Variants in VPS8 observed in about 807,000 individuals in gnomAD.
The protein encoded by VPS8 is vacuolar protein sorting-associated protein 8 homolog.
Under a neutral mutation model 216.4 loss-of-function variants are expected in VPS8, and 129 were observed. The ratio of observed to expected loss-of-function variants is 0.60; its 90% CI spans 0.52 to 0.69. VPS8 has a LOEUF of 0.69. Ranked by LOEUF, VPS8 falls within the 30% of genes least tolerant of loss-of-function variation. The pLI is 0.00. For synonymous variants in VPS8, 571 were observed against 565.4 expected (o/e 1.01, Z -0.14); for missense variants, 1,531 against 1,683.5 (o/e 0.91, Z 1.59).
In VPS8 at chr3:184,853,924, T is replaced by C; in HGVS notation, c.889T>C (p.Cys297Arg). ...CAGTGGTTCCAAGGGTGAAGTCTGCTGTATTGAGCCTCTGCATTCTAAGCC... is the reference window on the plus strand; with the variant it reads ...CAGTGGTTCCAAGGGTGAAGTCTGCCGTATTGAGCCTCTGCATTCTAAGCC... ...LFSGSKGEVC[C>R]IEPLHSKPEL... The change falls in exon 12 of 48, where the codon TGT (cysteine) becomes CGT (arginine). Residue 297 changes from cysteine (C) to arginine (R), a missense_variant. Cys to Arg is a radical substitution (Grantham distance 180, BLOSUM62 -3). Around this residue, in one of 3 missense-constraint regions of VPS8, gnomAD observed 1,318 missense variants for 1,468.4 expected, o/e 0.90. Transcript: ENST00000625842. 1 of 1,611,828 alleles carries C rather than the reference T, an allele frequency of 6.2e-7. No individual in the cohort carries two copies. The highest frequency in any genetic ancestry group is 8.5e-7 in the Non-Finnish European group (1 of 1,178,914).
chr3:185,002,042 T>C (rs1753489640), intron 45 of VPS8, among the ~76,000 whole-genome samples: 1 of 151,902 alleles, frequency 6.6e-6, no homozygotes, highest in South Asian at 2.1e-4. Flanking sequence ...GCTAGACGAG[T>C]TTAAGTGCAA....
intron 46 of VPS8, among the ~76,000 whole-genome samples, chr3:185,031,901 C>T (rs747827264): frequency 2.0e-5 from 3 of 152,160 alleles, no homozygotes; most frequent in South Asian, 2.1e-4. Context: ...CGATGGCTGA[C>T]GCCTGTAATC....
chr3:184,931,011 T>C (rs1361980634), intron 34 of VPS8, among the ~76,000 whole-genome samples: 1 of 152,192 alleles, frequency 6.6e-6, no homozygotes, highest in East Asian at 1.9e-4. Flanking sequence ...AATTCACTGA[T>C]TTTGTTGATG....
intron 23 of VPS8, among the ~76,000 whole-genome samples, chr3:184,896,215 T>C (rs1303178288): frequency 1.3e-5 from 2 of 152,174 alleles, no homozygotes; most frequent in African/African-American, 4.8e-5. Flanking sequence ...GTCTTCATAG[T>C]CTTACAATAG....
At chr3:185,049,325 C>T (rs977792652) in intron 47 of VPS8, among the ~76,000 whole-genome samples, 1 of 152,184 alleles carries the variant, frequency 6.6e-6, no homozygotes, top group Admixed American at 6.5e-5. Context: ...ATCGCTTTCT[C>T]GACCTGTTCT....
rs980955040 is a variant in VPS8 at position 184,944,425 on chromosome 3, A to G, written c.3035+4182A>G. On this transcript the variant is annotated intron_variant, in intron 36 of 47. Coordinates refer to ENST00000625842, the MANE Select transcript of VPS8 (RefSeq NM_001009921.3). ...CTACGTAAAGCCCGACTCTACCCCCATCCCCTGGGTGCATTGCTGCTGGCC... is the reference window on the plus strand; with the variant it reads ...CTACGTAAAGCCCGACTCTACCCCCGTCCCCTGGGTGCATTGCTGCTGGCC... The G allele has an allele frequency of 3.7e-6, 3 of 821,606 alleles. No individual in the cohort carries two copies. The East Asian group carries it at 3.7e-4, about 102-fold the overall frequency. The allele number at this position is 821,606 out of a possible 1,614,324, so 50.9% of individuals were successfully genotyped here.
chr3:184,839,836 T>C (rs1721790510), intron 7 of VPS8, 84 bp downstream of exon 7: 2 of 1,482,058 alleles, frequency 1.3e-6, no homozygotes, highest in South Asian at 1.4e-5. Flanking sequence ...GTTTATATAG[T>C]GTACTTGATT....
chr3:185,017,126 C>A (rs528440294), intron 45 of VPS8, among the ~76,000 whole-genome samples: 8 of 152,150 alleles, frequency 5.3e-5, no homozygotes, highest in African/African-American at 1.9e-4. Context: ...AATCTCTTCC[C>A]TATAAACTTA....
rs1364052025 is a variant in VPS8, at chr3:184,940,257, C to G, written c.3035+14C>G. The stretch of plus-strand genomic sequence containing the variant: ...TCTTGACCCAAGGTATGTTGACAAA[C>G]TTTAGTCTTTCATTATATATATATA... On this transcript the variant is annotated intron_variant, in intron 36 of 47. Transcript: ENST00000625842. 7.9e-7 allele frequency: 1 copy of G among 1,261,084 alleles called. No individual in the cohort carries two copies. The highest frequency in any genetic ancestry group is 1.9e-5 in the South Asian group (1 of 52,616). The allele number at this position is 1,261,084 out of a possible 1,614,324, so 78.1% of individuals were successfully genotyped here. A position where few individuals can be genotyped will look rare whatever the true frequency, so the allele number is the denominator to read the frequency against.
At chr3:184,857,112 T>C (rs991129505) in intron 14 of VPS8, among the ~76,000 whole-genome samples, 10 of 152,238 alleles carry the variant, frequency 6.6e-5, no homozygotes. Flanking sequence ...TTTACTGTTA[T>C]ATTTCCAGCC....
intron 19 of VPS8, 53 bp downstream of exon 19, chr3:184,869,089 A>T: frequency 1.3e-6 from 2 of 1,518,840 alleles, no homozygotes; most frequent in South Asian, 2.4e-5. Flanking sequence ...GAGTAGAGGG[A>T]ATGGTTAGTA....
intron 44 of VPS8, among the ~76,000 whole-genome samples, chr3:184,998,107 G>A (rs1649539348): frequency 1.3e-5 from 2 of 152,192 alleles, no homozygotes; most frequent in African/African-American, 4.8e-5. Context: ...CAGAGGAGCA[G>A]AGGCCAAATC....
At chr3:184,850,317 T>C (rs1197190044) in intron 10 of VPS8, among the ~76,000 whole-genome samples, 7 of 152,214 alleles carry the variant, frequency 4.6e-5, no homozygotes, top group Non-Finnish European at 5.9e-5. Flanking sequence ...GTTGCTAGAC[T>C]AGAGTTTGGC....
chr3:184,899,934 A>C (rs1279696464), intron 24 of VPS8, among the ~76,000 whole-genome samples: 1 of 152,144 alleles, frequency 6.6e-6, no homozygotes, highest in Non-Finnish European at 1.5e-5. Flanking sequence ...TGAGCTATTG[A>C]GGTTACCTTG....
chr3:185,020,355 G>A (rs1283903650), intron 45 of VPS8, among the ~76,000 whole-genome samples: 5 of 152,092 alleles, frequency 3.3e-5, no homozygotes, highest in African/African-American at 1.2e-4. Flanking sequence ...AATTTTAATA[G>A]CAGTTGTTGC....
intron 46 of VPS8, among the ~76,000 whole-genome samples, chr3:185,025,362 CT>C (rs534442048): frequency 9.2e-5 from 14 of 152,016 alleles, no homozygotes; most frequent in Non-Finnish European, 1.8e-4. Flanking sequence ...TTCCCTTGCC[CT>C]TTTTTGCCAT....
intron 37 of VPS8, among the ~76,000 whole-genome samples, chr3:184,961,616 T>C (rs1368830739): frequency 6.6e-6 from 1 of 152,130 alleles, no homozygotes; most frequent in East Asian, 1.9e-4. Flanking sequence ...GATCTATGTT[T>C]TGAATTTTTT....
At chr3:184,928,356 A>G in intron 31 of VPS8, 95 bp from the exon 32 acceptor site, 1 of 1,180,720 alleles carries the variant, frequency 8.5e-7, no homozygotes, top group Admixed American at 3.3e-5. Context: ...AATACAAAAG[A>G]AAAAAATTAA....
At chr3:184,898,693 T>C (rs1311564045) in intron 24 of VPS8, 39 bp downstream of exon 24, 17 of 1,460,874 alleles carry the variant, frequency 1.2e-5, no homozygotes, top group Non-Finnish European at 1.6e-5. Context: ...ATTAATTTTG[T>C]CTACTAACTT....
Sources: allele counts gnomAD v4.1 joint callset (sites outside exome capture counted in the v4.1 genomes callset), GRCh38; gene constraint gnomAD v4.1.1; regional missense constraint gnomAD v4.1.1; transcripts MANE v1.5; gene names NCBI Gene and HGNC (gene_info 2026-07-23, HGNC 2026-07-21).